The following ATP10A variants were observed in gnomAD, a reference collection of about 807,000 sequenced individuals.
The protein encoded by ATP10A is ATPase phospholipid transporting 10A (putative).
Under a neutral mutation model 147.8 loss-of-function variants are expected in ATP10A, and 111 were observed. That is an observed-to-expected ratio of 0.75 (90% confidence interval 0.64 to 0.88). The LOEUF (loss-of-function observed/expected upper bound fraction) is 0.88, where lower values mean the gene tolerates loss of function less well. Ranked by LOEUF, ATP10A falls within the 40% of genes least tolerant of loss-of-function variation. The pLI, the probability that ATP10A is intolerant of heterozygous loss-of-function variation, is 0.00. For synonymous variants in ATP10A, 875 were observed against 841.6 expected, an observed-to-expected ratio of 1.04 and a Z score of -0.69; for missense variants, 1,927 against 1,959.0, an observed-to-expected ratio of 0.98 and a Z score of 0.31.
At chr15:25,780,918 G>A (rs1451361864) in intron 2 of ATP10A, 101 bp downstream of exon 2, 3 of 1,323,828 alleles carry the variant, frequency 2.3e-6, no homozygotes, top group Non-Finnish European at 3.2e-6. Context: ...AGCCTGGTCT[G>A]ACAGACAGGA....
At chr15:25,846,665 C>T (rs904526953) in intron 1 of ATP10A, among the ~76,000 whole-genome samples, 1 of 152,174 alleles carries the variant, frequency 6.6e-6, no homozygotes. Flanking sequence ...GTGCCGGACA[C>T]GTGCCTGACA....
intron 1 of ATP10A, among the ~76,000 whole-genome samples, chr15:25,798,730 A>C (rs1454705441): frequency 6.6e-6 from 1 of 152,180 alleles, no homozygotes; most frequent in Non-Finnish European, 1.5e-5. Flanking sequence ...GAACTGGGCA[A>C]TCCTCAGACA....
rs1217666622 is a variant in ATP10A, at chr15:25,687,848, C to A, written c.3166-20G>T. On this transcript the variant is annotated intron_variant, in intron 15 of 20. Transcript: ENST00000555815. ...CACTGCCTTCAAAGGGAGAGGGATT[C>A]CTGTTACTGGTGATGCCGACCTGGC... 6.2e-7 allele frequency: 1 copy of A among 1,613,684 alleles called. No homozygotes were observed. Among genetic ancestry groups the A allele is most frequent in the East Asian group, 2.2e-5 (1 of 44,812 alleles).
At chr15:25,736,978 G>C (rs1887323864) in intron 2 of ATP10A, among the ~76,000 whole-genome samples, 1 of 152,164 alleles carries the variant, frequency 6.6e-6, no homozygotes, top group East Asian at 1.9e-4. Flanking sequence ...ACCACCCCAG[G>C]TTAACTATGG....
chr15:25,679,486 C>A lies in ATP10A; in HGVS notation c.4355G>T (p.Ser1452Ile). 6.2e-7 allele frequency: 1 copy of A among 1,613,992 alleles called. No individual in the cohort carries two copies. Among genetic ancestry groups the A allele is most frequent in the South Asian group, 1.1e-5 (1 of 91,078 alleles). The stretch of plus-strand genomic sequence containing the variant: ...CTCCGTCCGGGAGAACTGTAAGACA[C>A]TCCCCAGCCTGCTGACCAGCGACCA... Reference protein sequence around the residue: ...SSWSLVSRLGSVLQFSRTEQL... With the variant: ...SSWSLVSRLGIVLQFSRTEQL... Residue 1452 changes from serine (S) to isoleucine (I), a missense_variant, in exon 21 of 21, where the codon AGT (serine) becomes ATT (isoleucine). Coordinates refer to ENST00000555815, the MANE Select transcript of ATP10A (RefSeq NM_024490.4).
intron 2 of ATP10A, among the ~76,000 whole-genome samples, chr15:25,779,198 TG>T (rs1238007431): frequency 6.6e-6 from 1 of 152,202 alleles, no homozygotes; most frequent in Non-Finnish European, 1.5e-5. Context: ...TCTTGAGAGT[TG>T]ATCAAGGAGA....
At chr15:25,764,185 C>A (rs1224750408) in intron 2 of ATP10A, among the ~76,000 whole-genome samples, 2 of 152,132 alleles carry the variant, frequency 1.3e-5, no homozygotes, top group African/African-American at 4.8e-5. Context: ...GAGGCTGATG[C>A]TGTTATTCCA....
At chr15:25,757,268 T>C (rs1430533295) in intron 2 of ATP10A, among the ~76,000 whole-genome samples, 1 of 152,116 alleles carries the variant, frequency 6.6e-6, no homozygotes, top group Admixed American at 6.5e-5. Context: ...TACATGTTTC[T>C]AGTAATTATA....
intron 2 of ATP10A, among the ~76,000 whole-genome samples, chr15:25,770,979 G>A (rs1000308953): frequency 1.3e-5 from 2 of 152,292 alleles, no homozygotes; most frequent in Middle Eastern, 3.4e-3. Flanking sequence ...GTTAAATGAA[G>A]GCTTCCAGGT....
At chr15:25,759,135 G>A (rs55814476) in intron 2 of ATP10A, among the ~76,000 whole-genome samples, 47,666 of 152,102 alleles carry the variant, frequency 0.31, 7,662 homozygotes, top group Middle Eastern at 0.42. Flanking sequence ...CCATCTGTAA[G>A]GGCGCACCCT....
At chr15:25,721,959 T>TG in intron 6 of ATP10A, 50 bp from the exon 7 acceptor site, 5 of 1,560,832 alleles carry the variant, frequency 3.2e-6, no homozygotes, top group Non-Finnish European at 4.4e-6. Flanking sequence ...ACCAGGGAGC[T>TG]GGGGAATTAC....
chr15:25,799,309 G>A (rs955037870), intron 1 of ATP10A, among the ~76,000 whole-genome samples: 3 of 152,096 alleles, frequency 2.0e-5, no homozygotes, highest in East Asian at 1.9e-4. Context: ...AACGCAGGTC[G>A]GATTTGGGAG....
In ATP10A at chr15:25,761,720, C is replaced by G. The variant is rs542861753; in HGVS notation, c.654+19299G>C. 2.0e-5 allele frequency among the ~76,000 whole-genome samples: 3 copies of G among 152,344 alleles called. No individual in the cohort carries two copies. In the East Asian group the frequency reaches 5.8e-4, roughly 29 times the overall value. ...CCCCTTTGTTTTAGCCAACCTCTCC[C>G]ATTTGGAATGGCTATATTTACCCAG... is the stretch of plus-strand genomic sequence containing the variant. On this transcript the variant is annotated intron_variant, in intron 2 of 20. Coordinates refer to ENST00000555815, the MANE Select transcript of ATP10A (RefSeq NM_024490.4).
At chr15:25,826,043 T>C (rs8029733) in intron 1 of ATP10A, among the ~76,000 whole-genome samples, 142,536 of 152,212 alleles carry the variant, frequency 0.94, 67,213 homozygotes, top group Non-Finnish European at 1. Flanking sequence ...AAATAAAAAT[T>C]TGAAGATCTC....
chr15:25,749,401 C>A (rs1277209283), intron 2 of ATP10A, among the ~76,000 whole-genome samples: 1 of 152,166 alleles, frequency 6.6e-6, no homozygotes, highest in Non-Finnish European at 1.5e-5. Context: ...CTGCTTCCAC[C>A]AGCCACACTG....
intron 2 of ATP10A, among the ~76,000 whole-genome samples, chr15:25,751,503 C>A (rs543205872): frequency 6.6e-6 from 1 of 152,190 alleles, no homozygotes; most frequent in African/African-American, 2.4e-5. Context: ...GCAAGATAGA[C>A]CATATTTTAG....
chr15:25,791,269 T>C (rs1890411798), intron 1 of ATP10A, among the ~76,000 whole-genome samples: 1 of 148,362 alleles, frequency 6.7e-6, no homozygotes, highest in Non-Finnish European at 1.5e-5. Flanking sequence ...ACTTTTCTTT[T>C]AATGTGCATC....
intron 12 of ATP10A, 130 bp downstream of exon 12, chr15:25,707,846 G>A: frequency 7.7e-7 from 1 of 1,302,988 alleles, no homozygotes. Context: ...GGCTGTGCCA[G>A]CGTCCTGCCA....
chr15:25,730,680 G>A (rs1168065371), intron 3 of ATP10A, among the ~76,000 whole-genome samples: 1 of 152,246 alleles, frequency 6.6e-6, no homozygotes, highest in Admixed American at 6.5e-5. Flanking sequence ...ACATAAGTTG[G>A]GAGGAAGGAA....
Sources: gnomAD v4.1 joint callset for allele counts (sites outside exome capture counted in the v4.1 genomes callset) on GRCh38, gnomAD v4.1.1 for gene constraint, MANE v1.5 for transcripts, NCBI Gene and HGNC (gene_info 2026-07-23, HGNC 2026-07-21) for gene names.